LYPD6B: variants seen among roughly 807,000 people sequenced by gnomAD.
LYPD6B encodes LY6/PLAUR domain containing 6B.
LYPD6B carries 17 observed loss-of-function variants against 22.8 expected under a neutral mutation model. That is an observed-to-expected ratio of 0.75 (90% CI 0.51 to 1.12). The LOEUF is 1.12. Among genes scored for constraint, LYPD6B ranks in the 50% most tolerant of loss-of-function variants. LYPD6B has a pLI of 0.00. For missense variants in LYPD6B, 221 were observed against 258.3 expected (o/e 0.86, Z 0.99); for synonymous variants, 106 against 91.6 (o/e 1.16, Z -0.90).
chr2:149,053,382 A>G (rs888806215), intron 1 of LYPD6B, among the ~76,000 whole-genome samples: 1 of 152,206 alleles, frequency 6.6e-6, no homozygotes, highest in Admixed American at 6.5e-5. Flanking sequence ...ATATTTTGAT[A>G]CTATAAACAA....
intron 3 of LYPD6B, among the ~76,000 whole-genome samples, chr2:149,182,298 G>A (rs974577050): frequency 3.9e-5 from 6 of 152,100 alleles, no homozygotes; most frequent in East Asian, 1.9e-4. Context: ...TTTTTGGGTC[G>A]AAGAGTTTTC....
intron 2 of LYPD6B, among the ~76,000 whole-genome samples, chr2:149,136,452 T>C (rs1688378231): frequency 6.6e-6 from 1 of 152,226 alleles, no homozygotes; most frequent in Non-Finnish European, 1.5e-5. Flanking sequence ...CTTAGGAGAT[T>C]CGCTGTTACA....
intron 1 of LYPD6B, among the ~76,000 whole-genome samples, chr2:149,128,102 A>G (rs1687809217): frequency 6.6e-6 from 1 of 152,244 alleles, no homozygotes; most frequent in African/African-American, 2.4e-5. Context: ...CTTAAAAGAA[A>G]AAACATAACC....
chr2:149,120,376 TATATA>T lies in LYPD6B; in HGVS notation c.-66-10506_-66-10502del, dbSNP rs1222108913. Among the ~76,000 whole-genome samples, 11 of 45,564 alleles carry T rather than the reference TATATA, an allele frequency of 2.4e-4. 2 individuals are homozygous for T. The highest frequency in any genetic ancestry group is 1.0e-3 in the African/African-American group (11 of 10,514). The allele number at this position is 45,564 out of a possible 152,430, so 29.9% of individuals were successfully genotyped here. Reference sequence around the variant, plus strand: ...GTGTGTGTGTGTATATATATATATATATATATATTTTTTTTTTTTTTTTTTTGAGA... The same window carrying T: ...GTGTGTGTGTGTATATATATATATATTATTTTTTTTTTTTTTTTTTTGAGA... On this transcript the variant is annotated intron_variant, in intron 1 of 6. Transcript: ENST00000409642.
At chr2:149,123,893 T>G (rs553081617) in intron 1 of LYPD6B, among the ~76,000 whole-genome samples, 29 of 152,312 alleles carry the variant, frequency 1.9e-4, no homozygotes, top group African/African-American at 6.7e-4. Context: ...TTAAAAATGC[T>G]GTAAAAGACC....
chr2:149,111,748 T>C (rs1340975525), intron 1 of LYPD6B, among the ~76,000 whole-genome samples: 1 of 151,978 alleles, frequency 6.6e-6, no homozygotes, highest in African/African-American at 2.4e-5. Flanking sequence ...TGAGACCACA[T>C]AGAAAGTAAG....
intron 2 of LYPD6B, among the ~76,000 whole-genome samples, chr2:149,144,373 GT>G (rs200461969): frequency 6.7e-6 from 1 of 148,996 alleles, no homozygotes; most frequent in Non-Finnish European, 1.5e-5. Flanking sequence ...TGAAAGACTA[GT>G]TTTTTTTGTT....
chr2:149,207,752 A>T (rs762623369), intron 4 of LYPD6B, among the ~76,000 whole-genome samples: 1 of 152,192 alleles, frequency 6.6e-6, no homozygotes, highest in Non-Finnish European at 1.5e-5. Flanking sequence ...GCATATGGAC[A>T]GAAACCAGCA....
At chr2:149,146,628 A>G (rs1378326597) in intron 2 of LYPD6B, among the ~76,000 whole-genome samples, 1 of 151,908 alleles carries the variant, frequency 6.6e-6, no homozygotes, top group Non-Finnish European at 1.5e-5. Flanking sequence ...GACCCAGTAA[A>G]GAGAACCCCT....
intron 1 of LYPD6B, among the ~76,000 whole-genome samples, chr2:149,098,643 A>AAAAAAAAAAGAAAG (rs57783804): frequency 0.19 from 24,120 of 126,422 alleles, 3,107 homozygotes; most frequent in Non-Finnish European, 0.26. Flanking sequence ...AAAAAAAAAA[A>AAAAAAAAAAGAAAG]AAAAAAGAAA....
chr2:149,203,001 G>A (rs150386720), intron 3 of LYPD6B, among the ~76,000 whole-genome samples: 318 of 152,296 alleles, frequency 2.1e-3, no homozygotes, highest in African/African-American at 7.4e-3. Flanking sequence ...TTTGGATACA[G>A]GTATTTGAGC....
chr2:149,160,674 C>G, intron 2 of LYPD6B, 90 bp from the exon 3 acceptor site: 1 of 907,378 alleles, frequency 1.1e-6, no homozygotes, highest in Non-Finnish European at 1.8e-6. Context: ...ATCCAGAAAC[C>G]TGCCTTTTGT....
In LYPD6B at chr2:149,189,361, TATATATACAC is replaced by T. The variant is rs1403056795; in HGVS notation, c.78-15890_78-15881del. On this transcript the variant is annotated intron_variant, in intron 3 of 6. Coordinates refer to ENST00000409642, the MANE Select transcript of LYPD6B (RefSeq NM_177964.5). The stretch of plus-strand genomic sequence containing the variant: ...CCAAAATTATATATATATATATATA[TATATATACAC>T]ACACATATGTATATATGTATATATC... Among the ~76,000 whole-genome samples the T allele has an allele frequency of 4.4e-4, 38 of 86,186 alleles. 1 individual carries two copies. Among genetic ancestry groups the T allele is most frequent in the Non-Finnish European group, 5.1e-4 (19 of 37,508 alleles). The allele number at this position is 86,186 out of a possible 152,430, so 56.5% of individuals were successfully genotyped here. A position where few individuals can be genotyped will look rare whatever the true frequency, so the allele number is the denominator to read the frequency against.
intron 3 of LYPD6B, among the ~76,000 whole-genome samples, chr2:149,169,004 G>T (rs1690629125): frequency 6.6e-6 from 1 of 152,062 alleles, no homozygotes; most frequent in African/African-American, 2.4e-5. Flanking sequence ...ATTTTCTATA[G>T]GTTTTTAAAT....
chr2:149,134,185 A>G (rs568108484), intron 2 of LYPD6B, among the ~76,000 whole-genome samples: 1 of 152,148 alleles, frequency 6.6e-6, no homozygotes, highest in Non-Finnish European at 1.5e-5. Flanking sequence ...GATCAGGCAG[A>G]GGGCTTAGTG....
intron 2 of LYPD6B, among the ~76,000 whole-genome samples, chr2:149,135,578 G>A (rs1344411803): frequency 6.6e-6 from 1 of 151,916 alleles, no homozygotes; most frequent in Non-Finnish European, 1.5e-5. Context: ...AAATAAGCCA[G>A]GGGTGGTGGC....
chr2:149,039,170 G>C (rs887168322), intron 1 of LYPD6B, among the ~76,000 whole-genome samples: 6 of 152,220 alleles, frequency 3.9e-5, no homozygotes. Context: ...GCTGGAGAGA[G>C]CGCGGAGCTG....
At chr2:149,210,625 G>A (rs1001851875) in intron 5 of LYPD6B, among the ~76,000 whole-genome samples, 3 of 152,192 alleles carry the variant, frequency 2.0e-5, no homozygotes, top group African/African-American at 7.2e-5. Context: ...TGTTGGTGTT[G>A]TTAAAAGAAG....
chr2:149,145,482 A>G (rs1489112553), intron 2 of LYPD6B, among the ~76,000 whole-genome samples: 2 of 152,222 alleles, frequency 1.3e-5, no homozygotes, highest in Non-Finnish European at 2.9e-5. Flanking sequence ...TACGGTGAAC[A>G]CACTGGGATG....
Sources: allele counts gnomAD v4.1 joint callset (sites outside exome capture counted in the v4.1 genomes callset), GRCh38; gene constraint gnomAD v4.1.1; transcripts MANE v1.5; gene names NCBI Gene and HGNC (gene_info 2026-07-23, HGNC 2026-07-21).